CDK14: variants seen among roughly 807,000 people sequenced by gnomAD.
CDK14 encodes cyclin-dependent kinase 14.
CDK14 carries 34 observed loss-of-function variants against 60.7 expected under a neutral mutation model. The ratio of observed to expected loss-of-function variants is 0.56; its 90% CI spans 0.43 to 0.75. CDK14 has a LOEUF of 0.75. Ranked by LOEUF, CDK14 falls within the 30% of genes least tolerant of loss-of-function variation. The pLI, the probability that CDK14 is intolerant of heterozygous loss-of-function variation, is 0.00. For synonymous variants in CDK14, 197 were observed against 203.7 expected (o/e 0.97, Z 0.28); for missense variants, 482 against 564.1 (o/e 0.85, Z 1.47).
intron 4 of CDK14, among the ~76,000 whole-genome samples, chr7:90,761,683 C>A (rs1298661985): frequency 6.6e-6 from 1 of 152,058 alleles, no homozygotes; most frequent in East Asian, 1.9e-4. Flanking sequence ...TGGGTAGAGG[C>A]CAGAGATGCT....
intron 6 of CDK14, among the ~76,000 whole-genome samples, chr7:90,873,166 A>G (rs1400193522): frequency 6.6e-6 from 1 of 152,170 alleles, no homozygotes; most frequent in African/African-American, 2.4e-5. Flanking sequence ...TGAATGTAAT[A>G]AGACTGACAA....
At chr7:90,895,392 T>A (rs1792281192) in intron 6 of CDK14, among the ~76,000 whole-genome samples, 1 of 8,376 alleles carries the variant, frequency 1.2e-4, no homozygotes, top group Non-Finnish European at 2.0e-4. Flanking sequence ...TCTCCTCTCC[T>A]CTCCTCTCCT....
At chr7:91,058,545 G>C (rs1405454168) in intron 11 of CDK14, among the ~76,000 whole-genome samples, 3 of 152,174 alleles carry the variant, frequency 2.0e-5, no homozygotes, top group Non-Finnish European at 4.4e-5. Context: ...CTGTGGGTTT[G>C]TCATAGATAG....
chr7:90,630,881 G>GGTGTGTGTGTGT (rs1160442832), intron 2 of CDK14, among the ~76,000 whole-genome samples: 179 of 78,886 alleles, frequency 2.3e-3, no homozygotes, highest in East Asian at 0.017. Flanking sequence ...TACATCTTGG[G>GGTGTGTGTGTGT]GTGTGTATGT....
intron 6 of CDK14, among the ~76,000 whole-genome samples, chr7:90,885,409 A>G (rs1562813129): frequency 6.6e-6 from 1 of 152,194 alleles, no homozygotes; most frequent in East Asian, 1.9e-4. Context: ...AATGACAATT[A>G]TTAAAAAGTC....
intron 6 of CDK14, among the ~76,000 whole-genome samples, chr7:90,878,518 C>T (rs978363573): frequency 7.9e-5 from 12 of 152,068 alleles, no homozygotes; most frequent in East Asian, 7.7e-4. Context: ...TTTTACACAA[C>T]AGACATACTG....
intron 2 of CDK14, among the ~76,000 whole-genome samples, chr7:90,699,753 C>T (rs1801743313): frequency 6.6e-6 from 1 of 152,126 alleles, no homozygotes; most frequent in Admixed American, 6.5e-5. Flanking sequence ...GTGGTCCTGC[C>T]AGGGCTGCAA....
intron 2 of CDK14, among the ~76,000 whole-genome samples, chr7:90,719,672 AT>A (rs1333312894): frequency 6.6e-6 from 1 of 152,226 alleles, no homozygotes; most frequent in Non-Finnish European, 1.5e-5. Flanking sequence ...GTGTGGGTGC[AT>A]CTCAAAGCAA....
intron 14 of CDK14, among the ~76,000 whole-genome samples, chr7:91,141,324 T>A (rs949690718): frequency 3.9e-5 from 6 of 152,160 alleles, no homozygotes; most frequent in African/African-American, 1.4e-4. Context: ...ATGAACTAAT[T>A]GGCCAGATGG....
intron 2 of CDK14, among the ~76,000 whole-genome samples, chr7:90,724,417 A>G (rs1334201994): frequency 6.7e-6 from 1 of 149,488 alleles, no homozygotes; most frequent in Non-Finnish European, 1.5e-5. Flanking sequence ...TCTGTTTTCT[A>G]TTTTATTTAT....
At chr7:90,788,458 T>C (rs1805691247) in intron 4 of CDK14, among the ~76,000 whole-genome samples, 1 of 151,932 alleles carries the variant, frequency 6.6e-6, no homozygotes. Context: ...ATCAAGAAAA[T>C]ATACTCAGGA....
intron 8 of CDK14, among the ~76,000 whole-genome samples, chr7:90,952,530 G>A (rs1794294159): frequency 6.6e-6 from 1 of 152,126 alleles, no homozygotes; most frequent in Admixed American, 6.6e-5. Context: ...TGTCAACACT[G>A]TAAAGTTGGA....
intron 10 of CDK14, among the ~76,000 whole-genome samples, chr7:90,996,710 G>A (rs1032811083): frequency 2.0e-5 from 3 of 152,160 alleles, no homozygotes; most frequent in African/African-American, 7.2e-5. Flanking sequence ...TGTGGGTTTA[G>A]TTGTACTGGA....
At chr7:90,650,545 T>C (rs1414616217) in intron 2 of CDK14, among the ~76,000 whole-genome samples, 1 of 152,258 alleles carries the variant, frequency 6.6e-6, no homozygotes, top group African/African-American at 2.4e-5. Context: ...GCCTACGTCC[T>C]GAATGGTATT....
chr7:91,017,528 C>T (rs187516198), intron 10 of CDK14, among the ~76,000 whole-genome samples: 206 of 152,196 alleles, frequency 1.4e-3, no homozygotes, highest in African/African-American at 4.6e-3. Context: ...AAGGTATCTC[C>T]AGGTCAGCTT....
chr7:90,780,301 A>G (rs1044940149), intron 4 of CDK14, among the ~76,000 whole-genome samples: 2 of 152,152 alleles, frequency 1.3e-5, no homozygotes, highest in African/African-American at 4.8e-5. Context: ...AATGTTTGAT[A>G]TATTCTGTAT....
intron 12 of CDK14, among the ~76,000 whole-genome samples, chr7:91,095,856 C>T (rs1290621248): frequency 6.6e-6 from 1 of 151,450 alleles, no homozygotes; most frequent in Non-Finnish European, 1.5e-5. Flanking sequence ...TTCTACTTTC[C>T]CAAAATTATC....
At chr7:90,792,309 A>G (rs1250124118) in intron 5 of CDK14, among the ~76,000 whole-genome samples, 2 of 152,044 alleles carry the variant, frequency 1.3e-5, no homozygotes, top group Non-Finnish European at 2.9e-5. Context: ...TCTTTAGCTA[A>G]GACCTTGTCT....
intron 14 of CDK14, among the ~76,000 whole-genome samples, chr7:91,144,662 TA>T (rs1800571802): frequency 1.3e-5 from 2 of 152,166 alleles, no homozygotes; most frequent in South Asian, 4.1e-4. Flanking sequence ...GATAGTCTCA[TA>T]GTAAAAGTAG....
Sources: gnomAD v4.1 joint callset for allele counts (sites outside exome capture counted in the v4.1 genomes callset) on GRCh38, gnomAD v4.1.1 for gene constraint, MANE v1.5 for transcripts, NCBI Gene and HGNC (gene_info 2026-07-23, HGNC 2026-07-21) for gene names.